BICDL1: variants seen among roughly 807,000 people sequenced by gnomAD.
BICDL1 encodes BICD family like cargo adaptor 1.
A neutral mutation model predicts 76.8 loss-of-function variants in BICDL1; 20 were observed. The ratio of observed to expected loss-of-function variants is 0.26; its 90% confidence interval spans 0.18 to 0.38. The LOEUF is 0.38. Among genes scored for constraint, BICDL1 ranks in the 10% least tolerant of loss-of-function variants. The pLI is 1.00. For missense variants in BICDL1, 700 were observed against 798.6 expected, an observed-to-expected ratio of 0.88 and a Z score of 1.49; for synonymous variants, 383 against 337.1, an observed-to-expected ratio of 1.14 and a Z score of -1.49.
At chr12:120,088,181 C>T (rs901814175) in intron 8 of BICDL1, among the ~76,000 whole-genome samples, 3 of 152,094 alleles carry the variant, frequency 2.0e-5, no homozygotes, top group African/African-American at 7.2e-5. Flanking sequence ...ATCCGCCCAC[C>T]TTGGCCTCCC....
intron 4 of BICDL1, among the ~76,000 whole-genome samples, chr12:120,066,486 C>T (rs1953223982): frequency 6.6e-6 from 1 of 152,046 alleles, no homozygotes; most frequent in Non-Finnish European, 1.5e-5. Flanking sequence ...GACTAGTATG[C>T]CTTCAGGGGC....
Position 120,093,271 on chromosome 12 carries a change from T to C in BICDL1, c.*110T>C. ...ACCTCAGCAGCTGCCCTGCCCCTCA[T>C]GCTAGGGCCCCATGGGTCCGGGAGG... On this transcript the variant is annotated 3_prime_UTR_variant, in exon 10 of 10. Coordinates refer to ENST00000548673, the MANE Select transcript of BICDL1 (RefSeq NM_001367886.1). The C allele has an allele frequency of 7.8e-7, 1 of 1,283,166 alleles. No individual in the cohort carries two copies. The highest frequency in any genetic ancestry group is 1.1e-6 in the Non-Finnish European group (1 of 917,606). 79.5% of individuals were successfully genotyped at this position (1,283,166 alleles called of 1,614,324 possible).
chr12:120,030,366 A>C (rs988850236), intron 2 of BICDL1, among the ~76,000 whole-genome samples: 1 of 152,226 alleles, frequency 6.6e-6, no homozygotes, highest in African/African-American at 2.4e-5. Flanking sequence ...AACCCAAGAA[A>C]GAGCCTAATA....
intron 2 of BICDL1, among the ~76,000 whole-genome samples, chr12:120,003,615 C>A (rs1288178729): frequency 2.0e-5 from 3 of 152,174 alleles, no homozygotes; most frequent in African/African-American, 7.2e-5. Flanking sequence ...CTTGCCTAGA[C>A]ACCTAATATT....
Position 120,067,664 on chromosome 12 carries a change from C to T in BICDL1, c.909+2785C>T, listed in dbSNP as rs114990650. Reference sequence around the variant, plus strand: ...CCTTGCTGTTATCATTAATTAAGCACCTTTGAGTGTGCATGAGTAATTGAA... The same window carrying T: ...CCTTGCTGTTATCATTAATTAAGCATCTTTGAGTGTGCATGAGTAATTGAA... On this transcript the variant is annotated intron_variant, in intron 4 of 9. Transcript: ENST00000548673. 8.1e-3 allele frequency among the ~76,000 whole-genome samples: 1,226 copies of T among 152,270 alleles called. 17 individuals are homozygous for T. The highest frequency in any genetic ancestry group is 0.027 in the African/African-American group (1,119 of 41,532).
chr12:120,076,417 A>C (rs147463668), intron 7 of BICDL1, among the ~76,000 whole-genome samples: 3 of 152,286 alleles, frequency 2.0e-5, no homozygotes, highest in Non-Finnish European at 4.4e-5. Context: ...GAGTTCTTTA[A>C]TATTAACTGG....
At chr12:120,031,098 T>TA (rs1952413356) in intron 2 of BICDL1, among the ~76,000 whole-genome samples, 1 of 152,148 alleles carries the variant, frequency 6.6e-6, no homozygotes, top group Non-Finnish European at 1.5e-5. Flanking sequence ...AACACTTTAT[T>TA]AAAAAATCTT....
chr12:120,006,634 A>G (rs1951855686), intron 2 of BICDL1, among the ~76,000 whole-genome samples: 1 of 152,204 alleles, frequency 6.6e-6, no homozygotes, highest in African/African-American at 2.4e-5. Flanking sequence ...TGAGCAGGAT[A>G]AAAAGGAGCA....
intron 2 of BICDL1, among the ~76,000 whole-genome samples, chr12:120,028,556 A>G (rs1044535429): frequency 6.6e-6 from 1 of 152,100 alleles, no homozygotes; most frequent in Non-Finnish European, 1.5e-5. Context: ...GGCGCCTGTA[A>G]TCCTAGCCAC....
chr12:120,033,218 C>T (rs1465806920), intron 2 of BICDL1, among the ~76,000 whole-genome samples: 2 of 152,032 alleles, frequency 1.3e-5, no homozygotes, highest in Non-Finnish European at 2.9e-5. Flanking sequence ...AGCTGGTTCA[C>T]ATATCAAGAC....
At chr12:120,046,097 C>T (rs1163176403) in intron 2 of BICDL1, among the ~76,000 whole-genome samples, 1 of 152,116 alleles carries the variant, frequency 6.6e-6, no homozygotes, top group East Asian at 1.9e-4. Context: ...GCTGCATTTT[C>T]ATATCCACTC....
At position 119,989,771 on chromosome 12, in the gene BICDL1, A is replaced by AG. The variant is rs1951472366; in HGVS notation, c.-96dup. ...GGGGCGCGTGCCGCGGCGCGAGGCGAGGCGCGGGACGCGGGGCGGCGCGGC... is the reference window on the plus strand; with the variant it reads ...GGGGCGCGTGCCGCGGCGCGAGGCGAGGGCGCGGGACGCGGGGCGGCGCGGC... On this transcript the variant is annotated 5_prime_UTR_variant, in exon 1 of 10. Transcript: ENST00000548673. 8 of 432,392 alleles carry AG rather than the reference A, an allele frequency of 1.9e-5. No individual in the cohort carries two copies. The highest frequency in any genetic ancestry group is 6.8e-5 in the Admixed American group (1 of 14,752). The allele number at this position is 432,392 out of a possible 1,614,324, so 26.8% of individuals were successfully genotyped here.
In BICDL1 at chr12:120,061,958, T is replaced by G. The variant is rs569926033; in HGVS notation, c.762+132T>G. On this transcript the variant is annotated intron_variant, in intron 3 of 9. Transcript: ENST00000548673. ...CTGTGCGAAACTAAATGGGAAACAT[T>G]TGATCTGTTTCTCTGGGTAGCCTGT... The G allele has an allele frequency of 3.1e-5, 20 of 646,810 alleles. No homozygotes were observed. The Admixed American group carries it at 3.2e-4, about 10-fold the overall frequency. 40.1% of individuals were successfully genotyped at this position (646,810 alleles called of 1,614,324 possible).
chr12:120,005,012 G>A (rs1211318029), intron 2 of BICDL1, among the ~76,000 whole-genome samples: 1 of 152,070 alleles, frequency 6.6e-6, no homozygotes, highest in African/African-American at 2.4e-5. Flanking sequence ...TAGTAGAAGC[G>A]GGATTTCACC....
intron 2 of BICDL1, chr12:120,057,214 C>T (rs1566248999): frequency 2.2e-6 from 1 of 463,158 alleles, no homozygotes; most frequent in African/African-American, 2.0e-5. Flanking sequence ...AGGGTTTCAC[C>T]ATATTGTCCA....
chr12:120,092,272 G>A (rs1875037096), intron 9 of BICDL1: 2 of 985,364 alleles, frequency 2.0e-6, no homozygotes, highest in Non-Finnish European at 2.4e-6. Context: ...CGGGCTGTGG[G>A]GAGGAAGGCA....
In BICDL1 at chr12:120,071,499, C is replaced by A; in HGVS notation, c.910-123C>A. The A allele has an allele frequency of 7.5e-7, 1 of 1,338,162 alleles. No individual in the cohort carries two copies. Among genetic ancestry groups the A allele is most frequent in the Non-Finnish European group, 9.9e-7 (1 of 1,012,624 alleles). The allele number at this position is 1,338,162 out of a possible 1,614,324, so 82.9% of individuals were successfully genotyped here. A position where few individuals can be genotyped will look rare whatever the true frequency, so the allele number is the denominator to read the frequency against. Reference sequence around the variant, plus strand: ...ATCTCCTGATGTAGTTTAACATGTTCTTCTCTCCTATTTATTTTTCTATAA... The same window carrying A: ...ATCTCCTGATGTAGTTTAACATGTTATTCTCTCCTATTTATTTTTCTATAA... On this transcript the variant is annotated intron_variant, in intron 4 of 9. Transcript: ENST00000548673. The surrounding 1 kb of genome is among the most constrained non-coding windows in gnomAD (Gnocchi z 4.8).
chr12:120,068,232 C>A (rs774410278), intron 4 of BICDL1, among the ~76,000 whole-genome samples: 3 of 152,200 alleles, frequency 2.0e-5, no homozygotes, highest in African/African-American at 4.8e-5. Flanking sequence ...TGTCTACTTT[C>A]TTTTTAATGG....
chr12:120,092,462 A>C (rs776706089), intron 9 of BICDL1: 132 of 985,470 alleles, frequency 1.3e-4, no homozygotes, highest in Non-Finnish European at 1.6e-4. Flanking sequence ...CATCCTTGCC[A>C]CGTGAGGCTG....
Sources: gnomAD v4.1 joint callset for allele counts (sites outside exome capture counted in the v4.1 genomes callset) on GRCh38, gnomAD v4.1.1 for gene constraint, Gnocchi (gnomAD v3.1) non-coding constraint, MANE v1.5 for transcripts, NCBI Gene and HGNC (gene_info 2026-07-23, HGNC 2026-07-21) for gene names.